SLC39A8: variants seen among roughly 807,000 people sequenced by gnomAD.
SLC39A8 encodes the protein solute carrier family 39 member 8.
Under a neutral mutation model 40.4 loss-of-function variants are expected in SLC39A8, and 15 were observed. The ratio of observed to expected loss-of-function variants is 0.37; its 90% CI spans 0.25 to 0.57. SLC39A8 has a LOEUF of 0.57. SLC39A8 is among the 20% of genes least tolerant of loss of function. The pLI is 0.75. For missense variants in SLC39A8, 472 were observed against 558.8 expected (o/e 0.84, Z 1.57); for synonymous variants, 223 against 221.6 (o/e 1.01, Z -0.06).
chr4:102,322,849 C>G (rs1445462561), intron 2 of SLC39A8, among the ~76,000 whole-genome samples: 1 of 152,094 alleles, frequency 6.6e-6, no homozygotes, highest in Non-Finnish European at 1.5e-5. Context: ...CATTTAGACT[C>G]AATGACAATC....
At position 102,316,074 on chromosome 4, in the gene SLC39A8, A is replaced by G. The variant is rs950190396; in HGVS notation, c.220-244T>C. Among the ~76,000 whole-genome samples, 3 of 152,132 alleles carry G rather than the reference A, an allele frequency of 2.0e-5. No homozygotes were observed. The East Asian group carries it at 5.8e-4, about 29-fold the overall frequency. ...CAACAGCTTTCCTACAGCAGAAAAT[A>G]AATAAGAATTGGTTTGGGCATATCT... On this transcript the variant is annotated intron_variant, in intron 2 of 8. Transcript: ENST00000356736.
Position 102,304,463 on chromosome 4 carries a change from C to T in SLC39A8, c.694G>A (p.Gly232Arg). The change falls in exon 6 of 9, where the codon GGA (glycine) becomes AGA (arginine). Residue 232 changes from glycine to arginine, a missense_variant. By Grantham distance (125) the Gly-to-Arg change is moderately radical. Around this residue, in one of 4 missense-constraint regions of SLC39A8, gnomAD observed 239 missense variants for 317.9 expected, o/e 0.75. Coordinates refer to ENST00000356736, the MANE Select transcript of SLC39A8 (RefSeq NM_001135146.2). Reference protein sequence around the residue: ...TYGQNGHTHFGNDNFGPQEKT... With the variant: ...TYGQNGHTHFRNDNFGPQEKT... ...TCTTGAGGACCAAAGTTATCATTTC[C>T]AAAGTGGGTATGACCATTCTATATG... The T allele has an allele frequency of 6.2e-7, 1 of 1,610,644 alleles. No individual in the cohort carries two copies. The highest frequency in any genetic ancestry group is 1.1e-5 in the South Asian group (1 of 90,904).
chr4:102,280,730 G>A (rs924693543), intron 6 of SLC39A8, among the ~76,000 whole-genome samples: 3 of 152,160 alleles, frequency 2.0e-5, no homozygotes, highest in African/African-American at 7.2e-5. Flanking sequence ...TTCAGGTAAA[G>A]CTCAAAACTA....
chr4:102,267,278 A>T (rs1162797528), intron 8 of SLC39A8, among the ~76,000 whole-genome samples: 3 of 152,240 alleles, frequency 2.0e-5, no homozygotes, highest in Admixed American at 1.3e-4. Flanking sequence ...CAATACGATT[A>T]TGTTTTAAAG....
intron 8 of SLC39A8, among the ~76,000 whole-genome samples, chr4:102,263,551 A>G (rs1331786757): frequency 6.6e-6 from 1 of 152,184 alleles, no homozygotes; most frequent in African/African-American, 2.4e-5. Context: ...ATGGCTGCTG[A>G]CTGATTAGAG....
chr4:102,332,929 C>T (rs1394050775), intron 2 of SLC39A8, among the ~76,000 whole-genome samples: 1 of 152,172 alleles, frequency 6.6e-6, no homozygotes, highest in East Asian at 1.9e-4. Context: ...GAAAACCAAA[C>T]ACCGCATGTT....
intron 6 of SLC39A8, among the ~76,000 whole-genome samples, chr4:102,299,186 T>C (rs759299851): frequency 1.4e-4 from 22 of 151,862 alleles, no homozygotes; most frequent in Non-Finnish European, 2.9e-4. Flanking sequence ...TCTACCCTTC[T>C]TCCCACCGCC....
chr4:102,335,723 T>A (rs573428159), intron 2 of SLC39A8, among the ~76,000 whole-genome samples: 1 of 152,318 alleles, frequency 6.6e-6, no homozygotes, highest in Admixed American at 6.5e-5. Context: ...TCTCTACTCC[T>A]AAGGTTTACA....
At chr4:102,281,106 G>A (rs1051389285) in intron 6 of SLC39A8, among the ~76,000 whole-genome samples, 3 of 152,036 alleles carry the variant, frequency 2.0e-5, no homozygotes, top group African/African-American at 7.3e-5. Flanking sequence ...GTACATTCAG[G>A]ACACAGGATA....
rs1378110352 is a variant in SLC39A8 at position 102,285,667 on chromosome 4, G to A, written c.841-17588C>T. Among the ~76,000 whole-genome samples, 4 of 151,982 alleles carry A rather than the reference G, an allele frequency of 2.6e-5. No homozygotes were observed. The East Asian group carries it at 5.8e-4, about 22-fold the overall frequency. On this transcript the variant is annotated intron_variant, in intron 6 of 8. Coordinates refer to ENST00000356736, the MANE Select transcript of SLC39A8 (RefSeq NM_001135146.2). ...TGTGTGCATGTGTGTATGTGTGCAT[G>A]AGCCAGTCTGCTAATTACTATATAA...
At chr4:102,281,373 C>A (rs1327122216) in intron 6 of SLC39A8, among the ~76,000 whole-genome samples, 1 of 152,014 alleles carries the variant, frequency 6.6e-6, no homozygotes, top group African/African-American at 2.4e-5. Context: ...AGAAACCAAC[C>A]CCGTGCAGCA....
At chr4:102,324,582 G>T (rs543540311) in intron 2 of SLC39A8, among the ~76,000 whole-genome samples, 8 of 152,258 alleles carry the variant, frequency 5.3e-5, no homozygotes, top group African/African-American at 1.9e-4. Context: ...ACAAGTGAGA[G>T]ATTCATTCAT....
intron 6 of SLC39A8, among the ~76,000 whole-genome samples, chr4:102,276,626 T>G (rs919040222): frequency 6.6e-6 from 1 of 152,188 alleles, no homozygotes; most frequent in African/African-American, 2.4e-5. Flanking sequence ...GACTCTTCCC[T>G]AGCTCATTTT....
Position 102,290,672 on chromosome 4 carries a change from TGAAAATGAGGA to T in SLC39A8, c.840+13634_840+13644del, listed in dbSNP as rs534205878. ...AGGTAAACGTCAACAATTTGGCCCC[TGAAAATGAGGA>T]CACTGGCTCAGGGCTGAGGATTCTG... is the stretch of plus-strand genomic sequence containing the variant. On this transcript the variant is annotated intron_variant, in intron 6 of 8. Transcript: ENST00000356736. Among the ~76,000 whole-genome samples, 1,120 of 152,172 alleles carry T rather than the reference TGAAAATGAGGA, an allele frequency of 7.4e-3. 20 individuals are homozygous for T. Among genetic ancestry groups the T allele is most frequent in the African/African-American group, 0.025 (1,050 of 41,542 alleles).
At chr4:102,278,684 G>A (rs1471186260) in intron 6 of SLC39A8, among the ~76,000 whole-genome samples, 2 of 152,122 alleles carry the variant, frequency 1.3e-5, no homozygotes, top group Non-Finnish European at 2.9e-5. Context: ...AAAGACACAT[G>A]CACATGTATG....
At chr4:102,272,197 G>A (rs1732392102) in intron 6 of SLC39A8, among the ~76,000 whole-genome samples, 1 of 151,904 alleles carries the variant, frequency 6.6e-6, no homozygotes, top group African/African-American at 2.4e-5. Context: ...ACTTTGGGAG[G>A]CCGACACAAG....
intron 2 of SLC39A8, among the ~76,000 whole-genome samples, chr4:102,337,536 A>G (rs1735726861): frequency 6.6e-6 from 1 of 152,202 alleles, no homozygotes; most frequent in Admixed American, 6.5e-5. Flanking sequence ...TGTCTTACCT[A>G]TAGTTAAGAG....
chr4:102,327,558 G>GA (rs1404795615), intron 2 of SLC39A8, among the ~76,000 whole-genome samples: 2 of 152,128 alleles, frequency 1.3e-5, no homozygotes, highest in African/African-American at 4.8e-5. Context: ...CCCTTCTCCA[G>GA]ACTCCAGACA....
In SLC39A8 at chr4:102,267,652, A is replaced by G. The variant is rs746753368; in HGVS notation, c.1071T>C (p.Asn357=). 8 of 1,592,146 alleles carry G rather than the reference A, an allele frequency of 5.0e-6. No individual in the cohort carries two copies. The African/African-American group carries it at 6.8e-5, about 14-fold the overall frequency. ...HELGDFVILL[N]AGMSTRQALL... ...AGGCTTGTCGAGTGCTCATCCCTGC[A>G]TTGAGTAGGATCACAAAGTCTCCTA... Residue 357 remains asparagine (N), a synonymous_variant, in exon 8 of 9, where the codon AAT becomes AAC. Coordinates refer to ENST00000356736, the MANE Select transcript of SLC39A8 (RefSeq NM_001135146.2).
Sources: gnomAD v4.1 joint callset for allele counts (sites outside exome capture counted in the v4.1 genomes callset) on GRCh38, gnomAD v4.1.1 for gene constraint, gnomAD v4.1.1 regional missense constraint, MANE v1.5 for transcripts, NCBI Gene and HGNC (gene_info 2026-07-23, HGNC 2026-07-21) for gene names.